Variants in SORCS2 observed in about 807,000 individuals in gnomAD.
SORCS2 encodes sortilin related VPS10 domain containing receptor 2, also known as VPS10 domain-containing receptor SorCS2.
Under a neutral mutation model 141.6 loss-of-function variants are expected in SORCS2, and 100 were observed. That is an observed-to-expected ratio of 0.71 (90% CI 0.60 to 0.83). The LOEUF (loss-of-function observed/expected upper bound fraction) is 0.83, where lower values mean the gene tolerates loss of function less well. Ranked by LOEUF, SORCS2 falls within the 40% of genes least tolerant of loss-of-function variation. The pLI, the probability that SORCS2 is intolerant of heterozygous loss-of-function variation, is 0.00. For synonymous variants in SORCS2, 789 were observed against 676.9 expected (o/e 1.17, Z -2.57); for missense variants, 1,646 against 1,560.2 (o/e 1.05, Z -0.93).
chr4:7,390,528 A>G (rs1489399868), intron 1 of SORCS2, among the ~76,000 whole-genome samples: 1 of 152,216 alleles, frequency 6.6e-6, no homozygotes, highest in Non-Finnish European at 1.5e-5. Context: ...GCTGGCTCAG[A>G]AAACCTCAGT....
At chr4:7,470,976 G>T (rs1453972841) in intron 2 of SORCS2, among the ~76,000 whole-genome samples, 1 of 152,052 alleles carries the variant, frequency 6.6e-6, no homozygotes, top group Admixed American at 6.5e-5. Flanking sequence ...TGCCATGTCA[G>T]ACAGAGTAGT....
At chr4:7,397,230 T>A (rs1724272423) in intron 2 of SORCS2, among the ~76,000 whole-genome samples, 1 of 152,184 alleles carries the variant, frequency 6.6e-6, no homozygotes, top group Non-Finnish European at 1.5e-5. Context: ...AGGGGTTTGG[T>A]GATTCATTCT....
Position 7,741,009 on chromosome 4 carries a change from G to A in SORCS2, c.*745G>A. ...CCTGGTTCTCCCCAGGGCAGACGGG[G>A]TAGGGCGGGCTCAGGACCCAGTGCC... On this transcript the variant is annotated 3_prime_UTR_variant, in exon 27 of 27. Coordinates refer to ENST00000507866, the MANE Select transcript of SORCS2 (RefSeq NM_020777.3). 5.0e-6 allele frequency: 2 copies of A among 398,722 alleles called. No individual in the cohort carries two copies. Among genetic ancestry groups the A allele is most frequent in the Non-Finnish European group, 8.8e-6 (2 of 226,272 alleles). 24.7% of individuals were successfully genotyped at this position (398,722 alleles called of 1,614,324 possible). A position where few individuals can be genotyped will look rare whatever the true frequency, so the allele number is the denominator to read the frequency against.
chr4:7,445,798 T>C (rs1206672711), intron 2 of SORCS2, among the ~76,000 whole-genome samples: 1 of 152,086 alleles, frequency 6.6e-6, no homozygotes, highest in East Asian at 1.9e-4. Flanking sequence ...CGTCGGGAAG[T>C]ACAGGACTCC....
chr4:7,471,075 G>A (rs1401799036), intron 2 of SORCS2, among the ~76,000 whole-genome samples: 1 of 152,210 alleles, frequency 6.6e-6, no homozygotes, highest in African/African-American at 2.4e-5. Flanking sequence ...ATTTCTAGGT[G>A]GAGGGAACAG....
chr4:7,565,177 A>G (rs1714877577), intron 3 of SORCS2, among the ~76,000 whole-genome samples: 2 of 152,194 alleles, frequency 1.3e-5, no homozygotes, highest in African/African-American at 4.8e-5. Context: ...TCGATAAGAC[A>G]TGATTTTAAA....
At chr4:7,315,727 A>G (rs1718509879) in intron 1 of SORCS2, among the ~76,000 whole-genome samples, 1 of 151,896 alleles carries the variant, frequency 6.6e-6, no homozygotes, top group South Asian at 2.1e-4. Context: ...GGACTCTCTC[A>G]CCTCTGAAGG....
intron 3 of SORCS2, among the ~76,000 whole-genome samples, chr4:7,636,520 G>A (rs1025278798): frequency 2.0e-5 from 3 of 152,014 alleles, no homozygotes; most frequent in South Asian, 2.1e-4. Context: ...TTTGTCTGCC[G>A]CCTTGTCTGC....
At chr4:7,531,491 G>T in intron 2 of SORCS2, 39 bp from the exon 3 acceptor site, 4 of 1,595,720 alleles carry the variant, frequency 2.5e-6, no homozygotes, top group Non-Finnish European at 3.4e-6. Context: ...GCCACACTTG[G>T]AGGGTACATG....
chr4:7,695,256 T>G (rs1167808953), intron 11 of SORCS2, among the ~76,000 whole-genome samples: 10 of 97,998 alleles, frequency 1.0e-4, no homozygotes, highest in Admixed American at 2.3e-4. Context: ...GGGTGGATGG[T>G]TAGATGGATG....
chr4:7,559,274 C>A (rs1420845222), intron 3 of SORCS2, among the ~76,000 whole-genome samples: 1 of 152,174 alleles, frequency 6.6e-6, no homozygotes, highest in Non-Finnish European at 1.5e-5. Flanking sequence ...GAAGCCCCTA[C>A]AAGCTCCCCA....
intron 2 of SORCS2, among the ~76,000 whole-genome samples, chr4:7,458,510 A>G (rs1577598354): frequency 6.6e-6 from 1 of 152,330 alleles, no homozygotes; most frequent in East Asian, 1.9e-4. Context: ...CCTGACATTC[A>G]TGCTTCACTC....
chr4:7,732,476 G>T (rs1711780269), intron 23 of SORCS2, among the ~76,000 whole-genome samples: 1 of 152,162 alleles, frequency 6.6e-6, no homozygotes, highest in Non-Finnish European at 1.5e-5. Context: ...GAGGATGCCC[G>T]TGGCCCACAA....
At chr4:7,481,694 C>T (rs189310198) in intron 2 of SORCS2, among the ~76,000 whole-genome samples, 622 of 152,100 alleles carry the variant, frequency 4.1e-3, no homozygotes, top group Middle Eastern at 6.8e-3. Flanking sequence ...TCCTGAGCCT[C>T]GGTGGTGGGG....
chr4:7,485,358 C>A (rs976974535), intron 2 of SORCS2, among the ~76,000 whole-genome samples: 1 of 152,238 alleles, frequency 6.6e-6, no homozygotes, highest in African/African-American at 2.4e-5. Context: ...CCAGCCAAGG[C>A]CCCGGAGTTG....
At chr4:7,629,661 T>G (rs116737425) in intron 3 of SORCS2, among the ~76,000 whole-genome samples, 1,945 of 152,092 alleles carry the variant, frequency 0.013, 42 homozygotes, top group African/African-American at 0.044. Flanking sequence ...GATGAGCTGT[T>G]CCTTTCCGGC....
chr4:7,608,736 A>G (rs1007865452), intron 3 of SORCS2, among the ~76,000 whole-genome samples: 2 of 152,172 alleles, frequency 1.3e-5, no homozygotes, highest in African/African-American at 4.8e-5. Flanking sequence ...TCATGCCCAC[A>G]GGCTTCCCGC....
chr4:7,619,209 C>A (rs937331848), intron 3 of SORCS2, among the ~76,000 whole-genome samples: 4 of 152,144 alleles, frequency 2.6e-5, no homozygotes, highest in African/African-American at 9.7e-5. Context: ...TAGAGGCTAC[C>A]CAATACTTAG....
At chr4:7,427,122 G>A (rs1038829854) in intron 2 of SORCS2, among the ~76,000 whole-genome samples, 4 of 152,142 alleles carry the variant, frequency 2.6e-5, no homozygotes, top group African/African-American at 9.7e-5. Context: ...AGAGGTGCTG[G>A]GGAGAATCCT....
Sources: gnomAD v4.1 joint callset for allele counts (sites outside exome capture counted in the v4.1 genomes callset) on GRCh38, gnomAD v4.1.1 for gene constraint, MANE v1.5 for transcripts, NCBI Gene and HGNC (gene_info 2026-07-23, HGNC 2026-07-21) for gene names.